RNF8: variants seen among roughly 807,000 people sequenced by gnomAD.
The protein encoded by RNF8 is E3 ubiquitin-protein ligase RNF8.
A neutral mutation model predicts 59.3 loss-of-function variants in RNF8; 8 were observed. The ratio of observed to expected loss-of-function variants is 0.13; its 90% CI spans 0.08 to 0.24. RNF8 has a LOEUF of 0.24. Among genes scored for constraint, RNF8 ranks in the 10% least tolerant of loss-of-function variants. RNF8 has a pLI of 1.00. For synonymous variants in RNF8, 162 were observed against 200.0 expected (o/e 0.81, Z 1.60); for missense variants, 406 against 572.6 (o/e 0.71, Z 2.97).
At chr6:37,379,074 T>C (rs1012725833) in intron 6 of RNF8, among the ~76,000 whole-genome samples, 1 of 152,216 alleles carries the variant, frequency 6.6e-6, no homozygotes, top group African/African-American at 2.4e-5. Context: ...TGGAGTGCAG[T>C]GGCGCAATCT....
intron 6 of RNF8, among the ~76,000 whole-genome samples, chr6:37,377,650 A>T (rs1770078010): frequency 6.6e-6 from 1 of 152,222 alleles, no homozygotes; most frequent in African/African-American, 2.4e-5. Context: ...TGAGGAGAAA[A>T]CAGGGCCAAA....
rs1769117582 is a variant in RNF8 at position 37,356,365 on chromosome 6, T to G, written c.111+2090T>G. Among the ~76,000 whole-genome samples, 2 of 152,204 alleles carry G rather than the reference T, an allele frequency of 1.3e-5. 1 individual carries two copies. The highest frequency in any genetic ancestry group is 4.1e-4 in the South Asian group (2 of 4,832). On this transcript the variant is annotated intron_variant, in intron 1 of 7. Coordinates refer to ENST00000373479, the MANE Select transcript of RNF8 (RefSeq NM_003958.4). ...TCCCCAAATCATAGCACAAGCTGTTTTGCACAAGATTTTAAAAGATACGCT... is the reference window on the plus strand; with the variant it reads ...TCCCCAAATCATAGCACAAGCTGTTGTGCACAAGATTTTAAAAGATACGCT...
chr6:37,380,588 G>A (rs911073483), intron 6 of RNF8, among the ~76,000 whole-genome samples: 4 of 150,590 alleles, frequency 2.7e-5, no homozygotes, highest in Non-Finnish European at 4.4e-5. Context: ...GGAGAATGGC[G>A]TGAACCCAGG....
chr6:37,356,857 G>C (rs1379777053), intron 1 of RNF8, among the ~76,000 whole-genome samples: 2 of 152,180 alleles, frequency 1.3e-5, no homozygotes, highest in African/African-American at 4.8e-5. Context: ...TTCTGTCTCA[G>C]CCTCCGAAGT....
At position 37,376,940 on chromosome 6, in the gene RNF8, G is replaced by C; in HGVS notation, c.1143G>C (p.Lys381Asn). 6.2e-7 allele frequency: 1 copy of C among 1,611,678 alleles called. No homozygotes were observed. Among genetic ancestry groups the C allele is most frequent in the Non-Finnish European group, 8.5e-7 (1 of 1,178,246 alleles). ...ELEQTKEEKE[K>N]MQAQKEEVLS... The stretch of plus-strand genomic sequence containing the variant: ...GTGTCTTGCAGGAAGAGAAGGAGAA[G>C]ATGCAAGCACAGAAGGAAGAAGTTC... The change falls in exon 6 of 8, where the codon AAG becomes AAC. Residue 381 changes from lysine (K) to asparagine (N), a missense_variant. Lys to Asn is a moderately conservative substitution (Grantham distance 94). Coordinates refer to ENST00000373479, the MANE Select transcript of RNF8 (RefSeq NM_003958.4).
In RNF8 at chr6:37,390,899, C is replaced by T. The variant is rs1356165652; in HGVS notation, c.*141C>T. The T allele has an allele frequency of 1.4e-6, 2 of 1,462,060 alleles. No individual in the cohort carries two copies. The highest frequency in any genetic ancestry group is 4.5e-5 in the East Asian group (2 of 44,160). 90.6% of individuals were successfully genotyped at this position (1,462,060 alleles called of 1,614,324 possible). A position where few individuals can be genotyped will look rare whatever the true frequency, so the allele number is the denominator to read the frequency against. On this transcript the variant is annotated 3_prime_UTR_variant, in exon 8 of 8. Transcript: ENST00000373479. Reference sequence around the variant, plus strand: ...GGGACAGAGACTTGAGTTAGGAAGCCCTCAGTCACTTGCCTTCCACGGTGG... The same window carrying T: ...GGGACAGAGACTTGAGTTAGGAAGCTCTCAGTCACTTGCCTTCCACGGTGG...
intron 2 of RNF8, among the ~76,000 whole-genome samples, chr6:37,366,546 A>G (rs1769563438): frequency 6.6e-6 from 1 of 152,234 alleles, no homozygotes; most frequent in Admixed American, 6.5e-5. Flanking sequence ...TTCTGTATGT[A>G]TCTATGCCAG....
chr6:37,364,827 A>G (rs1475418623), intron 2 of RNF8, among the ~76,000 whole-genome samples: 2 of 152,050 alleles, frequency 1.3e-5, no homozygotes, highest in Non-Finnish European at 2.9e-5. Flanking sequence ...CTGGAGTGCA[A>G]TGGCGTGAAC....
At chr6:37,359,086 A>G (rs954927714) in intron 1 of RNF8, 2 of 391,510 alleles carry the variant, frequency 5.1e-6, no homozygotes, top group Non-Finnish European at 9.9e-6. Flanking sequence ...ATAAAGCAAG[A>G]CTCTCTCAAA....
intron 2 of RNF8, among the ~76,000 whole-genome samples, chr6:37,362,455 A>G (rs1769363076): frequency 6.6e-6 from 1 of 152,240 alleles, no homozygotes; most frequent in Admixed American, 6.5e-5. Context: ...TAGAGAGGAA[A>G]GATAGGTTTC....
intron 7 of RNF8, among the ~76,000 whole-genome samples, chr6:37,384,757 AAGAC>A (rs1322761932): frequency 6.6e-6 from 1 of 152,192 alleles, no homozygotes; most frequent in East Asian, 1.9e-4. Context: ...CCTTTGCTGA[AAGAC>A]AGCCTTTTAA....
In RNF8 at chr6:37,354,013, G is replaced by A. The variant is rs1049238709; in HGVS notation, c.-152G>A. 6 of 703,860 alleles carry A rather than the reference G, an allele frequency of 8.5e-6. No homozygotes were observed. The Admixed American group carries it at 1.4e-4, about 17-fold the overall frequency. 43.6% of individuals were successfully genotyped at this position (703,860 alleles called of 1,614,324 possible). A position where few individuals can be genotyped will look rare whatever the true frequency, so the allele number is the denominator to read the frequency against. ...GCTCCTGCTTCCTGGCCGAGGGCGG[G>A]CGAGCGGAGCCTGCTTTCGCAGCGA... On this transcript the variant is annotated 5_prime_UTR_variant, in exon 1 of 8. Coordinates refer to ENST00000373479, the MANE Select transcript of RNF8 (RefSeq NM_003958.4).
intron 7 of RNF8, among the ~76,000 whole-genome samples, chr6:37,381,608 A>T (rs1285807908): frequency 6.6e-6 from 1 of 152,164 alleles, no homozygotes; most frequent in Non-Finnish European, 1.5e-5. Flanking sequence ...GTGGGGGGAT[A>T]AAATGAAGAT....
chr6:37,369,554 A>G (rs1352481821), intron 3 of RNF8, among the ~76,000 whole-genome samples: 3 of 152,226 alleles, frequency 2.0e-5, no homozygotes, highest in African/African-American at 7.2e-5. Context: ...GTGAAGGTCA[A>G]CATGCCACAA....
In RNF8 at chr6:37,368,574, C is replaced by T; in HGVS notation, c.331C>T (p.Pro111Ser). The T allele has an allele frequency of 1.2e-6, 2 of 1,614,046 alleles. No homozygotes were observed. Among genetic ancestry groups the T allele is most frequent in the Non-Finnish European group, 1.7e-6 (2 of 1,179,994 alleles). The change falls in exon 3 of 8, where the codon CCT (proline) becomes TCT (serine). Residue 111 changes from proline to serine, a missense_variant. Around this residue, in one of 3 missense-constraint regions of RNF8, gnomAD observed 285 missense variants for 342.0 expected, o/e 0.83. Coordinates refer to ENST00000373479, the MANE Select transcript of RNF8 (RefSeq NM_003958.4). Reference sequence around the variant, plus strand: ...GGGAGACTACATCCAACTTGGAGTGCCTCTGGAAAATAAGGAGAATGCGGA... The same window carrying T: ...GGGAGACTACATCCAACTTGGAGTGTCTCTGGAAAATAAGGAGAATGCGGA... Reference protein sequence around the residue: ...HQGDYIQLGVPLENKENAEYE... With the variant: ...HQGDYIQLGVSLENKENAEYE...
Position 37,392,122 on chromosome 6 carries a change from T to C in RNF8, c.*1364T>C, listed in dbSNP as rs1283997212. 1 of 201,246 alleles carries C rather than the reference T, an allele frequency of 5.0e-6. No individual in the cohort carries two copies. The highest frequency in any genetic ancestry group is 9.9e-6 in the Non-Finnish European group (1 of 101,308). 12.5% of individuals were successfully genotyped at this position (201,246 alleles called of 1,614,324 possible). A position where few individuals can be genotyped will look rare whatever the true frequency, so the allele number is the denominator to read the frequency against. On this transcript the variant is annotated 3_prime_UTR_variant, in exon 8 of 8. Transcript: ENST00000373479. ...ACTGATCAAAATACTGGTAGAGTCA[T>C]GGAGGAAGTAAGTTAAATGTGGAAA...
chr6:37,378,976 C>T (rs181012565), intron 6 of RNF8, among the ~76,000 whole-genome samples: 1 of 152,254 alleles, frequency 6.6e-6, no homozygotes, highest in Admixed American at 6.5e-5. Context: ...CTGGTCACCT[C>T]TTAAAATTCG....
intron 3 of RNF8, among the ~76,000 whole-genome samples, 173 bp downstream of exon 3, chr6:37,369,391 G>A (rs144872686): frequency 5.8e-4 from 88 of 152,302 alleles, no homozygotes; most frequent in Non-Finnish European, 1.2e-3. Context: ...ATTGAGTAGA[G>A]GGTTAAGGCT....
At chr6:37,373,135 G>A (rs953749964) in intron 4 of RNF8, among the ~76,000 whole-genome samples, 1 of 152,070 alleles carries the variant, frequency 6.6e-6, no homozygotes, top group African/African-American at 2.4e-5. Flanking sequence ...CTGATTTCCT[G>A]TTTAAATCAC....
Sources: gnomAD v4.1 joint callset for allele counts (sites outside exome capture counted in the v4.1 genomes callset) on GRCh38, gnomAD v4.1.1 for gene constraint, gnomAD v4.1.1 regional missense constraint, MANE v1.5 for transcripts, NCBI Gene and HGNC (gene_info 2026-07-23, HGNC 2026-07-21) for gene names.